The following SLC1A2 variants were observed in gnomAD, a reference collection of about 807,000 sequenced individuals.
SLC1A2 encodes the protein excitatory amino acid transporter 2.
In SLC1A2, 15 loss-of-function variants were observed where a neutral mutation model predicts 48.8. The observed-to-expected ratio is 0.31, with a 90% CI of 0.21 to 0.47. The LOEUF is 0.47. SLC1A2 is among the 20% of genes least tolerant of loss of function. SLC1A2 has a pLI of 0.99. For missense variants in SLC1A2, 502 were observed against 730.5 expected (o/e 0.69, Z 3.61); for synonymous variants, 279 against 272.6 (o/e 1.02, Z -0.23).
rs574615562 is a variant in SLC1A2, at chr11:35,252,478, C to G, written c.*8416G>C. 5 of 152,278 alleles carry G rather than the reference C, an allele frequency of 3.3e-5. No homozygotes were observed. The East Asian group carries it at 9.7e-4, about 29-fold the overall frequency. 9.4% of individuals were successfully genotyped at this position (152,278 alleles called of 1,614,324 possible). ...ACAGTTGCATTCACCATGTATTAAACAGACATGAGATGACCTTTCACTAAG... is the reference window on the plus strand; with the variant it reads ...ACAGTTGCATTCACCATGTATTAAAGAGACATGAGATGACCTTTCACTAAG... On this transcript the variant is annotated 3_prime_UTR_variant, in exon 11 of 11. Coordinates refer to ENST00000278379, the MANE Select transcript of SLC1A2 (RefSeq NM_004171.4).
chr11:35,355,894 A>G (rs1853443508), intron 1 of SLC1A2, among the ~76,000 whole-genome samples: 1 of 151,832 alleles, frequency 6.6e-6, no homozygotes, highest in Non-Finnish European at 1.5e-5. Context: ...CATCTCAAAA[A>G]AAAAAAAAAA....
At chr11:35,391,054 T>G (rs2135239663) in intron 1 of SLC1A2, 1 of 152,354 alleles carries the variant, frequency 6.6e-6, no homozygotes, top group East Asian at 1.9e-4. Flanking sequence ...ATCTGTGGCC[T>G]CTGCTATATT....
In SLC1A2 at chr11:35,296,485, A is replaced by G. The variant is rs944509445; in HGVS notation, c.858-3965T>C. ...AACTTTTCATCAAGACAGAGTGAAA[A>G]GCAGTTAGTATAGCCTCCAGGTTTA... On this transcript the variant is annotated intron_variant, in intron 6 of 10. Coordinates refer to ENST00000278379, the MANE Select transcript of SLC1A2 (RefSeq NM_004171.4). 5.3e-5 allele frequency among the ~76,000 whole-genome samples: 8 copies of G among 152,228 alleles called. 1 individual carries two copies. The South Asian group carries it at 1.7e-3, about 32-fold the overall frequency.
Position 35,254,668 on chromosome 11 carries a change from T to A in SLC1A2, c.*6226A>T. 2.4e-6 allele frequency: 1 copy of A among 410,480 alleles called. No individual in the cohort carries two copies. Among genetic ancestry groups the A allele is most frequent in the South Asian group, 1.8e-5 (1 of 56,398 alleles). The allele number at this position is 410,480 out of a possible 1,614,324, so 25.4% of individuals were successfully genotyped here. A position where few individuals can be genotyped will look rare whatever the true frequency, so the allele number is the denominator to read the frequency against. Reference sequence around the variant, plus strand: ...ACAAGGCTAACAGTCAGTTGTCAGGTTTCAACACTCACCCAAGGATTGGGG... The same window carrying A: ...ACAAGGCTAACAGTCAGTTGTCAGGATTCAACACTCACCCAAGGATTGGGG... On this transcript the variant is annotated 3_prime_UTR_variant, in exon 11 of 11. Transcript: ENST00000278379.
Position 35,357,370 on chromosome 11 carries a change from G to T in SLC1A2, c.18-39854C>A, listed in dbSNP as rs141423672. On this transcript the variant is annotated intron_variant, in intron 1 of 10. Transcript: ENST00000278379. ...ATGACTTAAATTAGACAGGAGTGGG[G>T]CTTTGTGCAAACAAGTACATTCGGA... is the stretch of plus-strand genomic sequence containing the variant. Among the ~76,000 whole-genome samples the T allele has an allele frequency of 2.9e-3, 443 of 152,274 alleles. 3 individuals are homozygous for T. The highest frequency in any genetic ancestry group is 0.01 in the African/African-American group (420 of 41,554).
chr11:35,278,746 C>A (rs1302971258), intron 9 of SLC1A2, among the ~76,000 whole-genome samples: 1 of 152,098 alleles, frequency 6.6e-6, no homozygotes, highest in East Asian at 1.9e-4. Context: ...AGGCTGGGCA[C>A]AGTGGCTCAC....
intron 1 of SLC1A2, among the ~76,000 whole-genome samples, chr11:35,396,769 T>C (rs1854974153): frequency 6.6e-6 from 1 of 152,210 alleles, no homozygotes; most frequent in Admixed American, 6.5e-5. Context: ...ATGTCCTGAA[T>C]GGTAAAACCC....
At chr11:35,392,988 A>G (rs918260869) in intron 1 of SLC1A2, among the ~76,000 whole-genome samples, 2 of 152,212 alleles carry the variant, frequency 1.3e-5, no homozygotes, top group South Asian at 4.1e-4. Flanking sequence ...ACAGATGACT[A>G]TCGTTACAAC....
At chr11:35,342,239 T>C (rs1852863731) in intron 1 of SLC1A2, among the ~76,000 whole-genome samples, 1 of 152,204 alleles carries the variant, frequency 6.6e-6, no homozygotes, top group Non-Finnish European at 1.5e-5. Flanking sequence ...GAATCAGCCA[T>C]CTAAGATGTT....
intron 1 of SLC1A2, among the ~76,000 whole-genome samples, chr11:35,358,440 G>T (rs944750853): frequency 2.0e-5 from 3 of 152,168 alleles, no homozygotes; most frequent in Middle Eastern, 3.4e-3. Flanking sequence ...GGAGAAATAG[G>T]CCAAAATGTG....
intron 1 of SLC1A2, among the ~76,000 whole-genome samples, chr11:35,340,069 G>A (rs576861750): frequency 6.6e-6 from 1 of 152,070 alleles, no homozygotes; most frequent in Non-Finnish European, 1.5e-5. Flanking sequence ...TTTCCTTGAG[G>A]CTTTGTAATA....
At chr11:35,362,254 T>C (rs1381192892) in intron 1 of SLC1A2, among the ~76,000 whole-genome samples, 1 of 152,220 alleles carries the variant, frequency 6.6e-6, no homozygotes, top group African/African-American at 2.4e-5. Flanking sequence ...CTCCTCACCA[T>C]ATCTGTGGCT....
chr11:35,324,482 CT>C (rs1466455295), intron 1 of SLC1A2, among the ~76,000 whole-genome samples: 1 of 152,186 alleles, frequency 6.6e-6, no homozygotes. Context: ...TATGAAAGCA[CT>C]GATATAGTAT....
At chr11:35,271,424 A>T (rs1797838044) in intron 9 of SLC1A2, among the ~76,000 whole-genome samples, 1 of 152,244 alleles carries the variant, frequency 6.6e-6, no homozygotes, top group South Asian at 2.1e-4. Flanking sequence ...CTAGGCTGGA[A>T]CACTAAGGTC....
At chr11:35,338,729 C>T (rs1852727713) in intron 1 of SLC1A2, among the ~76,000 whole-genome samples, 1 of 152,226 alleles carries the variant, frequency 6.6e-6, no homozygotes, top group Non-Finnish European at 1.5e-5. Flanking sequence ...TCTCTAGACT[C>T]TTTGGTTAAC....
intron 1 of SLC1A2, among the ~76,000 whole-genome samples, chr11:35,350,254 T>C (rs1467290338): frequency 6.6e-6 from 1 of 152,234 alleles, no homozygotes; most frequent in Non-Finnish European, 1.5e-5. Flanking sequence ...AATTTTCTTT[T>C]TCCAATTACC....
At position 35,251,261 on chromosome 11, in the gene SLC1A2, A is replaced by T. The variant is rs1354550836; in HGVS notation, c.*9633T>A. ...TATATACACAAAAGTTAAAACACTT[A>T]GTGAAATATTGGATTCACAGGTTAT... On this transcript the variant is annotated 3_prime_UTR_variant, in exon 11 of 11. Coordinates refer to ENST00000278379, the MANE Select transcript of SLC1A2 (RefSeq NM_004171.4). 1 of 152,660 alleles carries T rather than the reference A, an allele frequency of 6.6e-6. No individual in the cohort carries two copies. Among genetic ancestry groups the T allele is most frequent in the Non-Finnish European group, 1.5e-5 (1 of 68,040 alleles). The allele number at this position is 152,660 out of a possible 1,614,324, so 9.5% of individuals were successfully genotyped here. A position where few individuals can be genotyped will look rare whatever the true frequency, so the allele number is the denominator to read the frequency against.
intron 1 of SLC1A2, among the ~76,000 whole-genome samples, chr11:35,364,727 G>T (rs1195289931): frequency 6.6e-6 from 1 of 152,212 alleles, no homozygotes; most frequent in Non-Finnish European, 1.5e-5. Flanking sequence ...ACACCCCCAT[G>T]ATGGTGCCTG....
chr11:35,273,123 C>T (rs1458370726), intron 9 of SLC1A2, among the ~76,000 whole-genome samples: 1 of 152,098 alleles, frequency 6.6e-6, no homozygotes, highest in Non-Finnish European at 1.5e-5. Flanking sequence ...CAAATATTGG[C>T]AATTTCATAT....
Sources: gnomAD v4.1 joint callset for allele counts (sites outside exome capture counted in the v4.1 genomes callset) on GRCh38, gnomAD v4.1.1 for gene constraint, MANE v1.5 for transcripts, NCBI Gene and HGNC (gene_info 2026-07-23, HGNC 2026-07-21) for gene names.